ZNRF2: variants seen among roughly 807,000 people sequenced by gnomAD.
The protein encoded by ZNRF2 is zinc and ring finger 2.
In ZNRF2, 16 loss-of-function variants were observed where a neutral mutation model predicts 20.4. That is an observed-to-expected ratio of 0.79 (90% CI 0.53 to 1.19). The LOEUF is 1.19. Ranked by LOEUF, ZNRF2 falls within the 50% of genes most tolerant of loss-of-function variation. ZNRF2 has a pLI of 0.00. For synonymous variants in ZNRF2, 178 were observed against 144.9 expected (o/e 1.23, Z -1.64); for missense variants, 363 against 332.4 (o/e 1.09, Z -0.72).
chr7:30,325,053 C>T (rs1004283381), intron 2 of ZNRF2, among the ~76,000 whole-genome samples: 4 of 152,050 alleles, frequency 2.6e-5, no homozygotes, highest in African/African-American at 7.2e-5. Flanking sequence ...CCATTCTTTC[C>T]TGACCAAAAT....
intron 1 of ZNRF2, among the ~76,000 whole-genome samples, chr7:30,302,236 C>T (rs1799128939): frequency 6.6e-6 from 1 of 152,086 alleles, no homozygotes; most frequent in Non-Finnish European, 1.5e-5. Flanking sequence ...GGTCTGTAAA[C>T]CCAAGCTGCA....
intron 1 of ZNRF2, among the ~76,000 whole-genome samples, chr7:30,292,641 T>C (rs1387078555): frequency 6.6e-6 from 1 of 152,042 alleles, no homozygotes; most frequent in Admixed American, 6.6e-5. Context: ...AAGGATGACC[T>C]CACTGACAAG....
chr7:30,359,087 G>A (rs1370625284), intron 3 of ZNRF2, among the ~76,000 whole-genome samples: 1 of 152,118 alleles, frequency 6.6e-6, no homozygotes, highest in Non-Finnish European at 1.5e-5. Flanking sequence ...TTATTGATAT[G>A]GAAAAACAGT....
chr7:30,296,976 TGTA>T (rs762076295), intron 1 of ZNRF2, among the ~76,000 whole-genome samples: 4 of 152,290 alleles, frequency 2.6e-5, no homozygotes, highest in East Asian at 1.9e-4. Context: ...ATCAACCACT[TGTA>T]GTATTTTAAG....
chr7:30,301,024 C>T (rs1359764335), intron 1 of ZNRF2, among the ~76,000 whole-genome samples: 2 of 152,230 alleles, frequency 1.3e-5, no homozygotes, highest in East Asian at 1.9e-4. Context: ...ACAATCAGAC[C>T]GTACTGTCTT....
intron 1 of ZNRF2, among the ~76,000 whole-genome samples, chr7:30,295,896 G>A (rs966087268): frequency 1.3e-5 from 2 of 152,086 alleles, no homozygotes; most frequent in Non-Finnish European, 2.9e-5. Context: ...CTCTGATACC[G>A]TATTCCTTTC....
chr7:30,358,336 C>A (rs767278410), intron 3 of ZNRF2, among the ~76,000 whole-genome samples: 4 of 151,962 alleles, frequency 2.6e-5, no homozygotes, highest in African/African-American at 4.8e-5. Context: ...GACTATAAGG[C>A]TTATAAGGAT....
chr7:30,294,594 A>C (rs930571954), intron 1 of ZNRF2, among the ~76,000 whole-genome samples: 7 of 151,956 alleles, frequency 4.6e-5, no homozygotes, highest in Admixed American at 2.0e-4. Flanking sequence ...ACCAGCCTGG[A>C]CAACATGGTG....
At chr7:30,286,586 C>T (rs1472394301) in intron 1 of ZNRF2, among the ~76,000 whole-genome samples, 1 of 152,172 alleles carries the variant, frequency 6.6e-6, no homozygotes, top group Non-Finnish European at 1.5e-5. Context: ...GAAAAATGGA[C>T]ATTTTTAATA....
Position 30,355,716 on chromosome 7 carries a change from C to G in ZNRF2, c.566-12C>G. 2 of 1,591,482 alleles carry G rather than the reference C, an allele frequency of 1.3e-6. No homozygotes were observed. The highest frequency in any genetic ancestry group is 1.7e-6 in the Non-Finnish European group (2 of 1,162,524). On this transcript the variant is annotated splice_polypyrimidine_tract_variant and intron_variant, in intron 2 of 4. Transcript: ENST00000323037. Reference sequence around the variant, plus strand: ...AATTTTATTGTCCTGAATTCATTTTCTCTTTCTTCAGAGGATGTACTGAGT... The same window carrying G: ...AATTTTATTGTCCTGAATTCATTTTGTCTTTCTTCAGAGGATGTACTGAGT...
chr7:30,286,958 C>G (rs540236322), intron 1 of ZNRF2, among the ~76,000 whole-genome samples: 1 of 152,296 alleles, frequency 6.6e-6, no homozygotes, highest in Non-Finnish European at 1.5e-5. Context: ...TTCTCATGTT[C>G]TGTACTATCA....
intron 2 of ZNRF2, among the ~76,000 whole-genome samples, chr7:30,326,402 C>G (rs1385144540): frequency 6.6e-6 from 1 of 152,200 alleles, no homozygotes; most frequent in Non-Finnish European, 1.5e-5. Context: ...CTTTTCTGTT[C>G]CTGTGTGAGT....
rs1799509443 is a variant in ZNRF2 at position 30,323,647 on chromosome 7, A to C, written c.475A>C (p.Lys159Gln). ...HLSPHMFGGF[K>Q]CPVCSKFVSS... ...GAGTTTCTTTTGTTTTTTAGGATTT[A>C]AGTGCCCTGTATGCTCAAAATTTGT... The change falls in exon 2 of 5, where the codon AAG becomes CAG. Residue 159 changes from lysine to glutamine, a missense_variant. By Grantham distance (53) the Lys-to-Gln change is moderately conservative. Around this residue, in one of 2 missense-constraint regions of ZNRF2, gnomAD observed 302 missense variants for 231.5 expected, o/e 1.30. Coordinates refer to ENST00000323037, the MANE Select transcript of ZNRF2 (RefSeq NM_147128.4). 4.4e-6 allele frequency: 7 copies of C among 1,588,770 alleles called. No homozygotes were observed. Among genetic ancestry groups the C allele is most frequent in the African/African-American group, 2.7e-5 (2 of 73,484 alleles).
At chr7:30,321,564 T>A (rs570676109) in intron 1 of ZNRF2, among the ~76,000 whole-genome samples, 32 of 152,248 alleles carry the variant, frequency 2.1e-4, no homozygotes, top group African/African-American at 7.0e-4. Context: ...GTACGTACTG[T>A]TTTTCCCCTT....
At chr7:30,331,826 C>T (rs1236173348) in intron 2 of ZNRF2, among the ~76,000 whole-genome samples, 2 of 152,184 alleles carry the variant, frequency 1.3e-5, no homozygotes, top group East Asian at 1.9e-4. Flanking sequence ...TACCGTGTTC[C>T]ATTTGTGTTA....
chr7:30,343,541 T>A (rs1346674968), intron 2 of ZNRF2, among the ~76,000 whole-genome samples: 1 of 152,182 alleles, frequency 6.6e-6, no homozygotes, highest in African/African-American at 2.4e-5. Flanking sequence ...GGTATAAACA[T>A]AACTATTATA....
intron 4 of ZNRF2, among the ~76,000 whole-genome samples, chr7:30,365,819 CG>C (rs1800204582): frequency 6.6e-6 from 1 of 152,000 alleles, no homozygotes; most frequent in Non-Finnish European, 1.5e-5. Flanking sequence ...TTTAAATCTC[CG>C]TGTGTGTGCA....
intron 1 of ZNRF2, among the ~76,000 whole-genome samples, chr7:30,317,299 A>G (rs1480430271): frequency 8.3e-6 from 1 of 119,778 alleles, no homozygotes; most frequent in African/African-American, 3.2e-5. Flanking sequence ...CAGGTATCAA[A>G]TTTGGGAGAT....
At chr7:30,362,486 C>A in intron 4 of ZNRF2, 30 bp downstream of exon 4, 1 of 1,373,274 alleles carries the variant, frequency 7.3e-7, no homozygotes, top group Non-Finnish European at 1.0e-6. Context: ...CTTTTTAAAG[C>A]GTTAGCCCAA....
Sources: gnomAD v4.1 joint callset for allele counts (sites outside exome capture counted in the v4.1 genomes callset) on GRCh38, gnomAD v4.1.1 for gene constraint, gnomAD v4.1.1 regional missense constraint, MANE v1.5 for transcripts, NCBI Gene and HGNC (gene_info 2026-07-23, HGNC 2026-07-21) for gene names.